Variants in RNF169 observed in about 807,000 individuals in gnomAD.
The protein encoded by RNF169 is E3 ubiquitin-protein ligase RNF169.
In RNF169, 24 loss-of-function variants were observed where a neutral mutation model predicts 53.9. That is an observed-to-expected ratio of 0.45 (90% CI 0.32 to 0.63). The LOEUF (loss-of-function observed/expected upper bound fraction) is 0.63, where lower values mean the gene tolerates loss of function less well. Ranked by LOEUF, RNF169 falls within the 20% of genes least tolerant of loss-of-function variation. RNF169 has a pLI of 0.04. For synonymous variants in RNF169, 396 were observed against 363.5 expected (o/e 1.09, Z -1.02); for missense variants, 883 against 906.2 (o/e 0.97, Z 0.33).
intron 1 of RNF169, among the ~76,000 whole-genome samples, chr11:74,750,652 T>G (rs1195333027): frequency 1.5e-5 from 2 of 130,240 alleles, no homozygotes; most frequent in African/African-American, 5.8e-5. Context: ...GGCTGGAGTG[T>G]AATGGTGCGA....
chr11:74,781,613 T>A (rs995630786), intron 1 of RNF169, among the ~76,000 whole-genome samples: 1 of 152,250 alleles, frequency 6.6e-6, no homozygotes, highest in African/African-American at 2.4e-5. Flanking sequence ...TCTGGTCTTA[T>A]GAAACTTTTT....
At chr11:74,834,857 C>G (rs1474131168) in intron 5 of RNF169, 82 bp downstream of exon 5, 1 of 888,644 alleles carries the variant, frequency 1.1e-6, no homozygotes, top group African/African-American at 1.7e-5. Context: ...ATAAACTATT[C>G]CAGAAGAGAA....
chr11:74,764,914 A>G (rs867106265), intron 1 of RNF169, among the ~76,000 whole-genome samples: 12 of 152,304 alleles, frequency 7.9e-5, no homozygotes, highest in African/African-American at 1.9e-4. Flanking sequence ...TCAGATGCAC[A>G]TTAAACATTT....
intron 1 of RNF169, among the ~76,000 whole-genome samples, chr11:74,764,262 G>A (rs1591390256): frequency 6.6e-6 from 1 of 152,224 alleles, no homozygotes; most frequent in Admixed American, 6.5e-5. Flanking sequence ...CGCTGGGTGC[G>A]GTAGCGCACG....
At chr11:74,834,529 A>C in intron 4 of RNF169, 147 bp from the exon 5 acceptor site, 1 of 541,998 alleles carries the variant, frequency 1.8e-6, no homozygotes, top group Non-Finnish European at 3.2e-6. Flanking sequence ...GTATTTTGTT[A>C]ATAAATTAAC....
At chr11:74,789,436 A>G (rs562714038) in intron 1 of RNF169, among the ~76,000 whole-genome samples, 190 bp from the exon 2 acceptor site, 3 of 152,332 alleles carry the variant, frequency 2.0e-5, no homozygotes, top group East Asian at 3.9e-4. Context: ...TTGAGGGTAT[A>G]AAGAAGTGTC....
intron 4 of RNF169, among the ~76,000 whole-genome samples, chr11:74,827,092 A>G (rs1289211567): frequency 6.6e-6 from 1 of 152,170 alleles, no homozygotes; most frequent in Non-Finnish European, 1.5e-5. Flanking sequence ...TCCAGGCTCC[A>G]CCGCTGCAGC....
At position 74,839,074 on chromosome 11, in the gene RNF169, T is replaced by A. The variant is rs142658931; in HGVS notation, c.*2344T>A. 1 of 152,226 alleles carries A rather than the reference T, an allele frequency of 6.6e-6. No homozygotes were observed. Among genetic ancestry groups the A allele is most frequent in the African/African-American group, 2.4e-5 (1 of 41,460 alleles). 9.4% of individuals were successfully genotyped at this position (152,226 alleles called of 1,614,324 possible). A position where few individuals can be genotyped will look rare whatever the true frequency, so the allele number is the denominator to read the frequency against. On this transcript the variant is annotated 3_prime_UTR_variant, in exon 6 of 6. Transcript: ENST00000299563. ...CAAATTAATACTTTCATTTTAAGAA[T>A]TGCATAGCAGTTGTAACAAGTGCAG...
chr11:74,801,667 C>G (rs1056191195), intron 2 of RNF169, among the ~76,000 whole-genome samples: 42 of 152,302 alleles, frequency 2.8e-4, no homozygotes, highest in African/African-American at 9.9e-4. Flanking sequence ...GATACTTAAG[C>G]TAGGCACAGT....
At chr11:74,768,407 G>A (rs1035470406) in intron 1 of RNF169, among the ~76,000 whole-genome samples, 8 of 151,940 alleles carry the variant, frequency 5.3e-5, no homozygotes, top group African/African-American at 9.7e-5. Flanking sequence ...AGGAGTTTGC[G>A]ACCAGCCTGG....
rs1163717174 is a variant in RNF169, at chr11:74,839,027, A to G, written c.*2297A>G. 4.6e-5 allele frequency: 7 copies of G among 152,196 alleles called. No homozygotes were observed. The East Asian group carries it at 9.6e-4, about 21-fold the overall frequency. 9.4% of individuals were successfully genotyped at this position (152,196 alleles called of 1,614,324 possible). A position where few individuals can be genotyped will look rare whatever the true frequency, so the allele number is the denominator to read the frequency against. On this transcript the variant is annotated 3_prime_UTR_variant, in exon 6 of 6. Coordinates refer to ENST00000299563, the MANE Select transcript of RNF169 (RefSeq NM_001098638.2). ...AAGAAATATTTTTAATAGATAAAAG[A>G]TATATATTTTAAATATTTCCCCAAA...
chr11:74,842,067 T>C lies in RNF169; in HGVS notation c.*5337T>C, dbSNP rs1478960993. 1 of 152,218 alleles carries C rather than the reference T, an allele frequency of 6.6e-6. No individual in the cohort carries two copies. Among genetic ancestry groups the C allele is most frequent in the Non-Finnish European group, 1.5e-5 (1 of 68,026 alleles). The allele number at this position is 152,218 out of a possible 1,614,324, so 9.4% of individuals were successfully genotyped here. ...CTCTCAACTCTTTGTACAAATATTATTGTCCTAAGGGCCTTTTCCCCTCCT... is the reference window on the plus strand; with the variant it reads ...CTCTCAACTCTTTGTACAAATATTACTGTCCTAAGGGCCTTTTCCCCTCCT... On this transcript the variant is annotated 3_prime_UTR_variant, in exon 6 of 6. Coordinates refer to ENST00000299563, the MANE Select transcript of RNF169 (RefSeq NM_001098638.2).
At chr11:74,831,246 T>C (rs1356383568) in intron 4 of RNF169, 5 of 152,126 alleles carry the variant, frequency 3.3e-5, no homozygotes, top group Non-Finnish European at 7.4e-5. Context: ...CAAAAAATCC[T>C]AAAAAATCCA....
At chr11:74,827,362 C>G (rs1390110136) in intron 4 of RNF169, among the ~76,000 whole-genome samples, 1 of 152,194 alleles carries the variant, frequency 6.6e-6, no homozygotes, top group African/African-American at 2.4e-5. Context: ...TTTTCTCCTC[C>G]TAGCTTTCTG....
intron 4 of RNF169, among the ~76,000 whole-genome samples, chr11:74,825,543 C>G (rs2036082391): frequency 6.6e-6 from 1 of 152,132 alleles, no homozygotes; most frequent in African/African-American, 2.4e-5. Context: ...CAGGACAAGA[C>G]ATTCACAGCT....
At chr11:74,758,792 C>T (rs909299136) in intron 1 of RNF169, among the ~76,000 whole-genome samples, 2 of 152,196 alleles carry the variant, frequency 1.3e-5, no homozygotes, top group African/African-American at 4.8e-5. Context: ...GCGTGAGCCA[C>T]CGCGCCCGGC....
intron 4 of RNF169, among the ~76,000 whole-genome samples, chr11:74,823,321 G>A (rs1053137661): frequency 2.6e-5 from 4 of 152,052 alleles, no homozygotes; most frequent in Non-Finnish European, 4.4e-5. Context: ...GGCAGAGCAG[G>A]GAACTCCAAA....
chr11:74,810,326 A>AACT lies in RNF169; in HGVS notation c.721_722insTAC (p.Glu240_Arg241insLeu). 6.2e-7 allele frequency: 1 copy of AACT among 1,613,292 alleles called. No homozygotes were observed. Among genetic ancestry groups the AACT allele is most frequent in the Non-Finnish European group, 8.5e-7 (1 of 1,179,760 alleles). ...CCATTAGTACTGAAAACAAATCTGG[A>AACT]ACGTGTAAGTAAATCACCTTTTTAA... On this transcript the variant is annotated inframe_insertion, in exon 3 of 6. Coordinates refer to ENST00000299563, the MANE Select transcript of RNF169 (RefSeq NM_001098638.2).
intron 1 of RNF169, among the ~76,000 whole-genome samples, chr11:74,780,439 G>T (rs917806799): frequency 6.6e-5 from 10 of 152,162 alleles, no homozygotes; most frequent in Non-Finnish European, 1.0e-4. Context: ...TCCTTTGCCA[G>T]AAATGGCTTT....
Sources: allele counts gnomAD v4.1 joint callset (sites outside exome capture counted in the v4.1 genomes callset), GRCh38; gene constraint gnomAD v4.1.1; transcripts MANE v1.5; gene names NCBI Gene and HGNC (gene_info 2026-07-23, HGNC 2026-07-21).